Variants in KBTBD4 observed in about 807,000 individuals in gnomAD.
The protein encoded by KBTBD4 is kelch repeat and BTB domain-containing protein 4.
KBTBD4 carries 30 observed loss-of-function variants against 43.9 expected under a neutral mutation model. That is an observed-to-expected ratio of 0.68 (90% CI 0.51 to 0.93). The LOEUF (loss-of-function observed/expected upper bound fraction) is 0.93, where lower values mean the gene tolerates loss of function less well. Among genes scored for constraint, KBTBD4 ranks in the 40% least tolerant of loss-of-function variants. The probability of loss-of-function intolerance (pLI) is 0.00; values close to 1 mark genes in which losing one functional copy is unlikely to be tolerated. For synonymous variants in KBTBD4, 258 were observed against 256.9 expected (o/e 1.00, Z -0.04); for missense variants, 575 against 668.8 (o/e 0.86, Z 1.55).
In KBTBD4 at chr11:47,578,932, C is replaced by A. The variant is rs762117539; in HGVS notation, c.19+1G>T. ...CCTACCTGCCTGTCTCGCTTTCTCA[C>A]CTGCGTTCCCTCCTTTCATCCCGGA... is the stretch of plus-strand genomic sequence containing the variant. On this transcript the variant is annotated splice_donor_variant, in intron 1 of 3. Coordinates refer to ENST00000430070, the MANE Select transcript of KBTBD4 (RefSeq NM_018095.6). LOFTEE classifies it high-confidence loss of function. The A allele has an allele frequency of 6.4e-7, 1 of 1,551,866 alleles. No homozygotes were observed. Among genetic ancestry groups the A allele is most frequent in the Non-Finnish European group, 8.7e-7 (1 of 1,147,040 alleles).
Position 47,575,704 on chromosome 11 carries a change from G to T in KBTBD4, c.638-5C>A, listed in dbSNP as rs563001262. 54 of 1,573,074 alleles carry T rather than the reference G, an allele frequency of 3.4e-5. No individual in the cohort carries two copies. The highest frequency in any genetic ancestry group is 4.6e-5 in the Non-Finnish European group (53 of 1,149,788). ...TCTGAGAACACGGAACTCCATCTGT[G>T]AGAGCCAGAGGAAAGGCATGGTCAA... On this transcript the variant is annotated splice_polypyrimidine_tract_variant and splice_region_variant and intron_variant, in intron 2 of 3. Transcript: ENST00000430070.
rs754182984 is a variant in KBTBD4 at position 47,573,700 on chromosome 11, C to T, written c.835G>A (p.Asp279Asn). The change falls in exon 4 of 4, where the codon GAC (aspartate) becomes AAC (asparagine). Residue 279 changes from aspartate (D) to asparagine (N), a missense_variant. Transcript: ENST00000430070. The surrounding 1 kb of genome is among the most constrained non-coding windows in gnomAD (Gnocchi z 4.1). Reference sequence around the variant, plus strand: ...TTTTGGCCACTTACACTGATGGAGTCATCTTCTGCACAGTGCAAGGACACA... The same window carrying T: ...TTTTGGCCACTTACACTGATGGAGTTATCTTCTGCACAGTGCAAGGACACA... ...LAVSLHCAED[D>N]SISVSGQNSL... 1 of 1,608,828 alleles carries T rather than the reference C, an allele frequency of 6.2e-7. No individual in the cohort carries two copies. Among genetic ancestry groups the T allele is most frequent in the African/African-American group, 1.3e-5 (1 of 75,062 alleles).
At chr11:47,578,356 G>A in intron 1 of KBTBD4, 1 of 566,812 alleles carries the variant, frequency 1.8e-6, no homozygotes, top group Non-Finnish European at 3.1e-6. Context: ...GGCTGGGAGA[G>A]GCCTGTGATC....
At position 47,577,990 on chromosome 11, in the gene KBTBD4, G is replaced by C; in HGVS notation, c.58C>G (p.Pro20Ala). 1 of 1,614,172 alleles carries C rather than the reference G, an allele frequency of 6.2e-7. No homozygotes were observed. Among genetic ancestry groups the C allele is most frequent in the Non-Finnish European group, 8.5e-7 (1 of 1,180,036 alleles). The change falls in exon 2 of 4, where the codon CCA (proline) becomes GCA (alanine). Residue 20 changes from proline to alanine, a missense_variant. Transcript: ENST00000430070. The part of the protein sequence containing the change: ...QREKLASMES[P>A]EEPGASMDEN... Reference sequence around the variant, plus strand: ...TCCATGGATGCTCCAGGCTCCTCTGGTGATTCCATGCTAGCCAACTTCTCT... The same window carrying C: ...TCCATGGATGCTCCAGGCTCCTCTGCTGATTCCATGCTAGCCAACTTCTCT...
rs551552635 is a variant in KBTBD4 at position 47,573,924 on chromosome 11, C to T, written c.745-134G>A. 1.1e-4 allele frequency: 89 copies of T among 787,232 alleles called. No homozygotes were observed. In the African/African-American group the frequency reaches 1.4e-3, roughly 12 times the overall value. 48.8% of individuals were successfully genotyped at this position (787,232 alleles called of 1,614,324 possible). ...ATACTACTCTCTAATTACTGTATGG[C>T]ATCCAACTCTCCTCTAGTCACTTTC... is the stretch of plus-strand genomic sequence containing the variant. On this transcript the variant is annotated intron_variant, in intron 3 of 3. Transcript: ENST00000430070. This position sits in a 1 kb window ranked among gnomAD's most constrained non-coding sequence, Gnocchi z 4.1.
chr11:47,576,937 A>G (rs1043307809), intron 2 of KBTBD4, among the ~76,000 whole-genome samples: 2 of 152,166 alleles, frequency 1.3e-5, no homozygotes, highest in African/African-American at 4.8e-5. Flanking sequence ...TCGGCCTCCC[A>G]AAGTGTTGGG....
chr11:47,575,461 T>C (rs376783468), intron 3 of KBTBD4, 132 bp downstream of exon 3: 6 of 595,294 alleles, frequency 1.0e-5, no homozygotes, highest in South Asian at 1.7e-5. Context: ...GAGCCGAGAT[T>C]GCGCCACTGC....
chr11:47,578,156 G>A (rs1162556910), intron 1 of KBTBD4, 128 bp from the exon 2 acceptor site: 3 of 1,022,062 alleles, frequency 2.9e-6, no homozygotes, highest in Non-Finnish European at 4.3e-6. Flanking sequence ...CCTTAGTCCT[G>A]GCCCTGTCCA....
At position 47,575,636 on chromosome 11, in the gene KBTBD4, T is replaced by C. The variant is rs747557863; in HGVS notation, c.701A>G (p.Glu234Gly). 7.4e-6 allele frequency: 12 copies of C among 1,613,632 alleles called. No individual in the cohort carries two copies. In the South Asian group the frequency reaches 1.1e-4, roughly 15 times the overall value. Residue 234 changes from glutamate (E) to glycine (G), a missense_variant, in exon 3 of 4, where the codon GAG becomes GGG. Coordinates refer to ENST00000430070, the MANE Select transcript of KBTBD4 (RefSeq NM_018095.6). ...TGACTCTGCAAAAGCCTCTCTTTCCTCTTTATTAAAGTTGATCCAGGCTTC... is the reference window on the plus strand; with the variant it reads ...TGACTCTGCAAAAGCCTCTCTTTCCCCTTTATTAAAGTTGATCCAGGCTTC... ...AIEAWINFNKEEREAFAESLR... is the reference protein window; with the variant it reads ...AIEAWINFNKGEREAFAESLR...
chr11:47,575,460 T>C (rs1048162327), intron 3 of KBTBD4, 133 bp downstream of exon 3: 4 of 597,168 alleles, frequency 6.7e-6, no homozygotes, highest in Middle Eastern at 4.4e-4. Flanking sequence ...TGAGCCGAGA[T>C]TGCGCCACTG....
rs1338710088 is a variant in KBTBD4 at position 47,577,522 on chromosome 11, G to A, written c.526C>T (p.Pro176Ser). The A allele has an allele frequency of 3.1e-6, 5 of 1,614,120 alleles. No homozygotes were observed. In the East Asian group the frequency reaches 8.9e-5, roughly 29 times the overall value. The change falls in exon 2 of 4, where the codon CCT becomes TCT. Residue 176 changes from proline to serine, a missense_variant. Coordinates refer to ENST00000430070, the MANE Select transcript of KBTBD4 (RefSeq NM_018095.6). ...VMWLADRHSD[P>S]ELYTAAKHCA... is the part of the protein sequence containing the mutation. ...TGCTTGGCAGCCGTATAGAGCTCAG[G>A]ATCACTGTGCCGATCTGCCAGCCAC... is the stretch of plus-strand genomic sequence containing the variant.
At chr11:47,575,896 G>A (rs1408776272) in intron 2 of KBTBD4, among the ~76,000 whole-genome samples, 197 bp from the exon 3 acceptor site, 4 of 142,988 alleles carry the variant, frequency 2.8e-5, no homozygotes, top group African/African-American at 5.3e-5. Context: ...TCACCCTGTC[G>A]CTCAGGCAGA....
At chr11:47,574,828 T>C (rs2097256131) in intron 3 of KBTBD4, among the ~76,000 whole-genome samples, 1 of 151,652 alleles carries the variant, frequency 6.6e-6, no homozygotes, top group Non-Finnish European at 1.5e-5. Context: ...CACTCTAGCC[T>C]GGGCAACAAG....
chr11:47,577,701 A>G lies in KBTBD4; in HGVS notation c.347T>C (p.Val116Ala). Residue 116 changes from valine (V) to alanine (A), a missense_variant, in exon 2 of 4, where the codon GTT becomes GCT. Val to Ala is a moderately conservative substitution (Grantham distance 64, BLOSUM62 0). Transcript: ENST00000430070. ...CACAGTCCCATGGTAGATATAATCA[A>G]CCAGGAGCTGGAAAACAGACTCGCT... ...DVSESVFQLL[V>A]DYIYHGTVKL... 6.2e-7 allele frequency: 1 copy of G among 1,614,194 alleles called. No homozygotes were observed. The highest frequency in any genetic ancestry group is 2.2e-5 in the East Asian group (1 of 44,894).
Position 47,577,886 on chromosome 11 carries a change from A to G in KBTBD4, c.162T>C (p.Cys54=), listed in dbSNP as rs1267303141. 3 of 1,614,176 alleles carry G rather than the reference A, an allele frequency of 1.9e-6. No homozygotes were observed. Among genetic ancestry groups the G allele is most frequent in the East Asian group, 4.5e-5 (2 of 44,888 alleles). ...CATCAGCAAAGAGCTCCTCCTCTAGACACAGTTTCATGATGCCTTGAGCCA... is the reference window on the plus strand; with the variant it reads ...CATCAGCAAAGAGCTCCTCCTCTAGGCACAGTTTCATGATGCCTTGAGCCA... The part of the protein sequence containing the change: ...GRVAQGIMKL[C]LEEELFADVT... The change falls in exon 2 of 4, where the codon TGT becomes TGC. Residue 54 remains cysteine, a synonymous_variant. Coordinates refer to ENST00000430070, the MANE Select transcript of KBTBD4 (RefSeq NM_018095.6).
At chr11:47,575,234 C>T (rs942461548) in intron 3 of KBTBD4, among the ~76,000 whole-genome samples, 6 of 148,588 alleles carry the variant, frequency 4.0e-5, no homozygotes, top group African/African-American at 1.2e-4. Flanking sequence ...AAAGGCCGGG[C>T]GCGGGGGCTC....
In KBTBD4 at chr11:47,578,162, G is replaced by A. The variant is rs4331047; in HGVS notation, c.20-134C>T. On this transcript the variant is annotated intron_variant, in intron 1 of 3. Coordinates refer to ENST00000430070, the MANE Select transcript of KBTBD4 (RefSeq NM_018095.6). Reference sequence around the variant, plus strand: ...CCAGATTGGCCTTAGTCCTGGCCCTGTCCATGATGTCCCTGACGCTATCCT... The same window carrying A: ...CCAGATTGGCCTTAGTCCTGGCCCTATCCATGATGTCCCTGACGCTATCCT... 3,362 of 885,500 alleles carry A rather than the reference G, an allele frequency of 3.8e-3. 66 individuals are homozygous for A. In the African/African-American group the frequency reaches 0.048, roughly 13 times the overall value. The allele number at this position is 885,500 out of a possible 1,614,324, so 54.9% of individuals were successfully genotyped here. A position where few individuals can be genotyped will look rare whatever the true frequency, so the allele number is the denominator to read the frequency against.
rs1565930713 is a variant in KBTBD4, at chr11:47,573,432, CGAT to C, written c.1100_1102del (p.Tyr367_Arg368delinsCys). The C allele has an allele frequency of 1.2e-6, 2 of 1,614,064 alleles. No individual in the cohort carries two copies. Among genetic ancestry groups the C allele is most frequent in the East Asian group, 2.2e-5 (1 of 44,890 alleles). ...CTCTGTCCACACATTATCACCTACG[CGAT>C]AATAAATGACTGCGTTGGAGAGGGT... On this transcript the variant is annotated inframe_deletion, in exon 4 of 4. Coordinates refer to ENST00000430070, the MANE Select transcript of KBTBD4 (RefSeq NM_018095.6). The surrounding 1 kb of genome is among the most constrained non-coding windows in gnomAD (Gnocchi z 4.1).
chr11:47,573,207 A>G lies in KBTBD4; in HGVS notation c.1328T>C (p.Val443Ala), dbSNP rs772635290. ...CACGATGAACACCAGATCTTTATGC[A>G]CAGCTGCGTGCATGCGGCCTGCAAA... ...LPFAGRMHAA[V>A]HKDLVFIVAE... Residue 443 changes from valine (V) to alanine (A), a missense_variant, in exon 4 of 4, where the codon GTG (valine) becomes GCG (alanine). Coordinates refer to ENST00000430070, the MANE Select transcript of KBTBD4 (RefSeq NM_018095.6). The surrounding 1 kb of genome is among the most constrained non-coding windows in gnomAD (Gnocchi z 4.1). 2 of 1,614,188 alleles carry G rather than the reference A, an allele frequency of 1.2e-6. No individual in the cohort carries two copies. The highest frequency in any genetic ancestry group is 1.1e-5 in the South Asian group (1 of 91,082).
Sources: allele counts gnomAD v4.1 joint callset (sites outside exome capture counted in the v4.1 genomes callset), GRCh38; gene constraint gnomAD v4.1.1; non-coding constraint Gnocchi (gnomAD v3.1); transcripts MANE v1.5; gene names NCBI Gene and HGNC (gene_info 2026-07-23, HGNC 2026-07-21).